Variants in RBFOX1 observed in about 807,000 individuals in gnomAD.
RBFOX1 encodes RNA binding protein fox-1 homolog 1.
Under a neutral mutation model 57.7 loss-of-function variants are expected in RBFOX1, and 8 were observed. That is an observed-to-expected ratio of 0.14 (90% CI 0.08 to 0.25). The LOEUF (loss-of-function observed/expected upper bound fraction) is 0.25, where lower values mean the gene tolerates loss of function less well. Ranked by LOEUF, RBFOX1 falls within the 10% of genes least tolerant of loss-of-function variation. The pLI is 1.00. For synonymous variants in RBFOX1, 326 were observed against 222.4 expected, an observed-to-expected ratio of 1.47 and a Z score of -4.15; for missense variants, 611 against 548.5, an observed-to-expected ratio of 1.11 and a Z score of -1.14.
At chr16:6,472,494 T>A (rs2095199464) in intron 2 of RBFOX1, among the ~76,000 whole-genome samples, 1 of 152,174 alleles carries the variant, frequency 6.6e-6, no homozygotes, top group African/African-American at 2.4e-5. Flanking sequence ...TCCTGTTGTT[T>A]CCTTTGGGAG....
chr16:5,784,835 A>G (rs989092869), intron 3 of RBFOX1, among the ~76,000 whole-genome samples: 1 of 152,088 alleles, frequency 6.6e-6, no homozygotes, highest in African/African-American at 2.4e-5. Context: ...ATGAACCAGG[A>G]GGTAAGTCCT....
intron 5 of RBFOX1, among the ~76,000 whole-genome samples, chr16:7,561,206 T>G (rs1373511008): frequency 1.3e-5 from 2 of 152,230 alleles, no homozygotes; most frequent in Non-Finnish European, 2.9e-5. Context: ...TGTCTCTGCT[T>G]TTACAAATAA....
chr16:7,604,424 C>T (rs1203338361), intron 9 of RBFOX1, among the ~76,000 whole-genome samples: 2 of 152,194 alleles, frequency 1.3e-5, no homozygotes, highest in African/African-American at 4.8e-5. Flanking sequence ...GAGACTTTAT[C>T]AATTACCTTT....
chr16:5,261,771 C>A (rs192826013), intron 1 of RBFOX1, among the ~76,000 whole-genome samples: 1 of 152,046 alleles, frequency 6.6e-6, no homozygotes, highest in South Asian at 2.1e-4. Flanking sequence ...AGGATGGTCT[C>A]GATCTCCTGA....
chr16:5,816,595 G>A (rs966660232), intron 3 of RBFOX1, among the ~76,000 whole-genome samples: 1 of 152,098 alleles, frequency 6.6e-6, no homozygotes, highest in Non-Finnish European at 1.5e-5. Flanking sequence ...ACCAGCCTGG[G>A]CAACATAGTT....
chr16:6,531,832 T>A (rs1233369506), intron 2 of RBFOX1, among the ~76,000 whole-genome samples: 1 of 152,202 alleles, frequency 6.6e-6, no homozygotes, highest in Non-Finnish European at 1.5e-5. Context: ...TGCAGTTAAT[T>A]ACAGGGACAG....
intron 4 of RBFOX1, among the ~76,000 whole-genome samples, chr16:7,396,492 C>A (rs1203918474): frequency 6.6e-6 from 1 of 152,214 alleles, no homozygotes; most frequent in Non-Finnish European, 1.5e-5. Context: ...CGTCCTGATT[C>A]ATAAGTGGAT....
intron 3 of RBFOX1, among the ~76,000 whole-genome samples, chr16:6,921,090 C>T (rs1053136672): frequency 8.5e-5 from 13 of 152,300 alleles, no homozygotes; most frequent in East Asian, 3.9e-4. Flanking sequence ...CTGCACCATT[C>T]GTTAGCTTTG....
chr16:6,902,935 G>T (rs1285617735), intron 3 of RBFOX1, among the ~76,000 whole-genome samples: 1 of 152,116 alleles, frequency 6.6e-6, no homozygotes, highest in Non-Finnish European at 1.5e-5. Flanking sequence ...CTCTTTACTT[G>T]TTCGGGGCTT....
At chr16:6,785,848 A>T (rs543346955) in intron 3 of RBFOX1, among the ~76,000 whole-genome samples, 1 of 136,554 alleles carries the variant, frequency 7.3e-6, no homozygotes, top group South Asian at 2.3e-4. Flanking sequence ...ATTAGACTCA[A>T]AGTCCATTAG....
At chr16:5,645,819 C>A (rs933286940) in intron 3 of RBFOX1, among the ~76,000 whole-genome samples, 3 of 152,164 alleles carry the variant, frequency 2.0e-5, no homozygotes, top group Non-Finnish European at 4.4e-5. Flanking sequence ...GCATGTGCCA[C>A]CACATCTGGC....
At chr16:7,454,843 G>A (rs1350010397) in intron 4 of RBFOX1, among the ~76,000 whole-genome samples, 4 of 152,140 alleles carry the variant, frequency 2.6e-5, no homozygotes, top group Non-Finnish European at 5.9e-5. Context: ...GACAAGGATG[G>A]ACCTAGGCGA....
chr16:5,684,813 A>C (rs1467425965), intron 3 of RBFOX1, among the ~76,000 whole-genome samples: 2 of 152,086 alleles, frequency 1.3e-5, no homozygotes, highest in Non-Finnish European at 1.5e-5. Flanking sequence ...TCTCTACTTT[A>C]GGGTTGCTTG....
At chr16:6,339,513 C>G (rs371775404) in intron 2 of RBFOX1, among the ~76,000 whole-genome samples, 2 of 152,058 alleles carry the variant, frequency 1.3e-5, no homozygotes, top group Non-Finnish European at 2.9e-5. Flanking sequence ...AAGAGGTCAT[C>G]GTAAAGTCAT....
intron 15 of RBFOX1, 105 bp from the exon 16 acceptor site, chr16:7,710,518 T>G (rs1221791311): frequency 1.1e-5 from 17 of 1,570,630 alleles, no homozygotes; most frequent in Non-Finnish European, 1.5e-5. Flanking sequence ...GTGCCTCCAT[T>G]TCGGTTGGTT....
rs538317661 is a variant in RBFOX1 at position 7,209,630 on chromosome 16, A to T, written c.27+157532A>T. ...TTACCCATTGTAACCACTCTATTAA[A>T]TTTTTCCTTTTTGAGCACTTAAGTC... On this transcript the variant is annotated intron_variant, in intron 4 of 15. Transcript: ENST00000550418. 3.3e-5 allele frequency among the ~76,000 whole-genome samples: 5 copies of T among 152,012 alleles called. No homozygotes were observed. The South Asian group carries it at 1.0e-3, about 32-fold the overall frequency.
At chr16:5,395,097 A>C (rs533032569) in intron 1 of RBFOX1, among the ~76,000 whole-genome samples, 2 of 152,270 alleles carry the variant, frequency 1.3e-5, no homozygotes, top group South Asian at 2.1e-4. Flanking sequence ...TTTGCCAAGC[A>C]TGGTTCGTTT....
chr16:6,270,502 T>C (rs2075080936), intron 1 of RBFOX1, among the ~76,000 whole-genome samples: 1 of 147,562 alleles, frequency 6.8e-6, no homozygotes. Context: ...CGATATGTAA[T>C]GATACAGTGA....
At chr16:7,339,574 G>C (rs1017110240) in intron 4 of RBFOX1, among the ~76,000 whole-genome samples, 1 of 152,084 alleles carries the variant, frequency 6.6e-6, no homozygotes, top group Non-Finnish European at 1.5e-5. Flanking sequence ...TGAGTATCTG[G>C]GACCGTGGGC....
Sources: allele counts gnomAD v4.1 joint callset (sites outside exome capture counted in the v4.1 genomes callset), GRCh38; gene constraint gnomAD v4.1.1; transcripts MANE v1.5; gene names NCBI Gene and HGNC (gene_info 2026-07-23, HGNC 2026-07-21).